TECPR2: variants seen among roughly 807,000 people sequenced by gnomAD.
TECPR2 encodes the protein tectonin beta-propeller repeat containing 2.
Under a neutral mutation model 138.1 loss-of-function variants are expected in TECPR2, and 65 were observed. The observed-to-expected ratio is 0.47, with a 90% CI of 0.39 to 0.58. The LOEUF is 0.58. TECPR2 is among the 20% of genes least tolerant of loss of function. The pLI is 0.00. For missense variants in TECPR2, 1,553 were observed against 1,824.5 expected (o/e 0.85, Z 2.71); for synonymous variants, 746 against 749.8 (o/e 0.99, Z 0.08).
intron 2 of TECPR2, among the ~76,000 whole-genome samples, chr14:102,391,764 T>G (rs1888183683): frequency 1.3e-5 from 2 of 152,162 alleles, no homozygotes; most frequent in Admixed American, 1.3e-4. Context: ...TGGGTGTCAG[T>G]GCCAATAGTG....
chr14:102,376,230 C>G (rs1358660206), intron 1 of TECPR2, among the ~76,000 whole-genome samples: 1 of 152,128 alleles, frequency 6.6e-6, no homozygotes, highest in African/African-American at 2.4e-5. Flanking sequence ...CTTCATAGTT[C>G]AGGATGTGTT....
In TECPR2 at chr14:102,362,946, T is replaced by G. The variant is rs1412364538; in HGVS notation, c.-243T>G. On this transcript the variant is annotated 5_prime_UTR_variant, in exon 1 of 20. Transcript: ENST00000359520. ...CGTCCGCCCCGCCCGCTGCCACTTG[T>G]GGCTCTGCCGCTCTAGCCCCCGGCG... 6.6e-7 allele frequency: 1 copy of G among 1,512,934 alleles called. No homozygotes were observed. The highest frequency in any genetic ancestry group is 9.1e-7 in the Non-Finnish European group (1 of 1,104,518). The allele number at this position is 1,512,934 out of a possible 1,614,324, so 93.7% of individuals were successfully genotyped here.
At chr14:102,425,901 G>A (rs1414710474) in intron 6 of TECPR2, among the ~76,000 whole-genome samples, 2 of 120,416 alleles carry the variant, frequency 1.7e-5, no homozygotes, top group African/African-American at 6.4e-5. Context: ...TTTTTGAGAT[G>A]GAGTCCTAGT....
At chr14:102,431,760 G>T in intron 7 of TECPR2, 36 bp from the exon 8 acceptor site, 1 of 1,515,168 alleles carries the variant, frequency 6.6e-7, no homozygotes, top group African/African-American at 1.4e-5. Flanking sequence ...CTCTCTCTTG[G>T]ATCACCAGTG....
At chr14:102,370,867 G>A (rs753803022) in intron 1 of TECPR2, among the ~76,000 whole-genome samples, 12 of 152,136 alleles carry the variant, frequency 7.9e-5, no homozygotes, top group Non-Finnish European at 1.2e-4. Context: ...ATGGAGAATC[G>A]GGGACATGGA....
At chr14:102,403,874 G>A (rs1268936535) in intron 2 of TECPR2, among the ~76,000 whole-genome samples, 1 of 152,158 alleles carries the variant, frequency 6.6e-6, no homozygotes, top group East Asian at 1.9e-4. Flanking sequence ...CACATTGTAT[G>A]TTGAGAAATT....
At chr14:102,372,181 C>T (rs1311655048) in intron 1 of TECPR2, among the ~76,000 whole-genome samples, 1 of 152,036 alleles carries the variant, frequency 6.6e-6, no homozygotes, top group African/African-American at 2.4e-5. Flanking sequence ...AAATTTCTGG[C>T]CTCAAGTGAT....
At position 102,407,476 on chromosome 14, in the gene TECPR2, C is replaced by T. The variant is rs766975160; in HGVS notation, c.348+10C>T. On this transcript the variant is annotated intron_variant, in intron 3 of 19. Transcript: ENST00000359520. The stretch of plus-strand genomic sequence containing the variant: ...AGGGAGAAATAAACAGGTGAGTACT[C>T]ATGATCTTAACACGTGTTAACTTCT... 12 of 1,601,850 alleles carry T rather than the reference C, an allele frequency of 7.5e-6. No homozygotes were observed. The highest frequency in any genetic ancestry group is 1.0e-5 in the Non-Finnish European group (12 of 1,175,884).
At position 102,433,517 on chromosome 14, in the gene TECPR2, TA is replaced by T. The variant is rs564759638; in HGVS notation, c.1418-717del. Among the ~76,000 whole-genome samples, 1,194 of 150,764 alleles carry T rather than the reference TA, an allele frequency of 7.9e-3. 20 individuals are homozygous for T. Among genetic ancestry groups the T allele is most frequent in the African/African-American group, 0.028 (1,133 of 40,724 alleles). On this transcript the variant is annotated intron_variant, in intron 8 of 19. Transcript: ENST00000359520. ...ATTTTTATTTATTTATTTATTTATT[TA>T]TTTATTTTTTAATTTATTGGAGACA... is the stretch of plus-strand genomic sequence containing the variant.
intron 2 of TECPR2, among the ~76,000 whole-genome samples, chr14:102,401,826 A>G (rs1024267812): frequency 3.3e-5 from 5 of 151,266 alleles, no homozygotes; most frequent in East Asian, 3.9e-4. Flanking sequence ...AAAAAAAAAA[A>G]AGAGAGACTC....
intron 1 of TECPR2, among the ~76,000 whole-genome samples, chr14:102,374,885 C>T (rs78476780): frequency 0.027 from 4,140 of 152,240 alleles, 75 homozygotes; most frequent in Middle Eastern, 0.085. Flanking sequence ...TGCTGAATGC[C>T]TCTGATGTGC....
chr14:102,462,338 T>C (rs1701848946), intron 16 of TECPR2, among the ~76,000 whole-genome samples: 1 of 152,242 alleles, frequency 6.6e-6, no homozygotes. Context: ...AATGTTAGAG[T>C]TCCAGGGAAT....
chr14:102,437,946 C>T (rs1889715508), intron 9 of TECPR2, 76 bp from the exon 10 acceptor site: 3 of 1,514,772 alleles, frequency 2.0e-6, no homozygotes, highest in Non-Finnish European at 2.7e-6. Context: ...TATCCTCTCA[C>T]CTTTCTTACT....
intron 2 of TECPR2, among the ~76,000 whole-genome samples, chr14:102,402,485 A>G (rs1243050542): frequency 6.6e-6 from 1 of 152,132 alleles, no homozygotes; most frequent in Admixed American, 6.5e-5. Context: ...CCATTTAAGG[A>G]ACTAGAAAAG....
In TECPR2 at chr14:102,435,021, C is replaced by T; in HGVS notation, c.2204C>T (p.Thr735Ile). The T allele has an allele frequency of 6.2e-7, 1 of 1,614,136 alleles. No individual in the cohort carries two copies. The highest frequency in any genetic ancestry group is 8.5e-7 in the Non-Finnish European group (1 of 1,180,016). The change falls in exon 9 of 20, where the codon ACT becomes ATT. Residue 735 changes from threonine to isoleucine, a missense_variant. By Grantham distance (89) the Thr-to-Ile change is moderately conservative. Transcript: ENST00000359520. The part of the protein sequence containing the change: ...LTPVSALAAS[T>I]HKPWLEQPPR... ...CCGGTCTCTGCCTTGGCAGCCAGCA[C>T]TCACAAGCCCTGGCTTGAGCAGCCT...
intron 2 of TECPR2, among the ~76,000 whole-genome samples, chr14:102,389,734 G>A (rs1352504524): frequency 6.6e-6 from 1 of 152,170 alleles, no homozygotes; most frequent in Non-Finnish European, 1.5e-5. Flanking sequence ...TGCTGGCAGT[G>A]TAATTATTTC....
intron 19 of TECPR2, 71 bp from the exon 20 acceptor site, chr14:102,498,032 C>CCCAGCTCCATCTGTGCCCAAGCT: frequency 6.4e-7 from 1 of 1,567,402 alleles, no homozygotes; most frequent in South Asian, 1.2e-5. Flanking sequence ...CGCCCAAGCT[C>CCCAGCTCCATCTGTGCCCAAGCT]CCAGCTCCAT....
intron 10 of TECPR2, 34 bp from the exon 11 acceptor site, chr14:102,440,402 T>C: frequency 6.2e-7 from 1 of 1,609,026 alleles, no homozygotes; most frequent in Non-Finnish European, 8.5e-7. Flanking sequence ...TTCTAGTATT[T>C]ATTGGACAGT....
chr14:102,458,966 CATAT>C (rs3068229), intron 16 of TECPR2, among the ~76,000 whole-genome samples: 18,441 of 138,206 alleles, frequency 0.13, 1,520 homozygotes, highest in African/African-American at 0.25. Context: ...AAAATACACA[CATAT>C]ATATATATAT....
Sources: allele counts gnomAD v4.1 joint callset (sites outside exome capture counted in the v4.1 genomes callset), GRCh38; gene constraint gnomAD v4.1.1; transcripts MANE v1.5; gene names NCBI Gene and HGNC (gene_info 2026-07-23, HGNC 2026-07-21).